Variants in FRMD5 observed in about 807,000 individuals in gnomAD.
FRMD5 encodes the protein FERM domain containing 5.
In FRMD5, 20 loss-of-function variants were observed where a neutral mutation model predicts 69.0. That is an observed-to-expected ratio of 0.29 (90% CI 0.20 to 0.42). The LOEUF is 0.42. Among genes scored for constraint, FRMD5 ranks in the 10% least tolerant of loss-of-function variants. The probability of loss-of-function intolerance (pLI) is 1.00; values close to 1 mark genes in which losing one functional copy is unlikely to be tolerated. For missense variants in FRMD5, 595 were observed against 708.6 expected, an observed-to-expected ratio of 0.84 and a Z score of 1.82; for synonymous variants, 271 against 260.1, an observed-to-expected ratio of 1.04 and a Z score of -0.40.
chr15:43,959,572 C>T, intron 1 of FRMD5, among the ~76,000 whole-genome samples: 1 of 152,200 alleles, frequency 6.6e-6, no homozygotes, highest in Non-Finnish European at 1.5e-5. Context: ...GACACAAGAA[C>T]TCTGACTCTA....
At chr15:44,191,906 T>TAC (rs1337819749) in intron 1 of FRMD5, among the ~76,000 whole-genome samples, 25 of 1,166 alleles carry the variant, frequency 0.021, no homozygotes, top group Non-Finnish European at 0.035. Context: ...TATATATATA[T>TAC]ATATATATAT....
At chr15:44,150,781 C>A (rs2077432052) in intron 1 of FRMD5, among the ~76,000 whole-genome samples, 1 of 151,848 alleles carries the variant, frequency 6.6e-6, no homozygotes, top group South Asian at 2.1e-4. Flanking sequence ...ACAGAGCAGA[C>A]CCTGTCTCAG....
At chr15:43,906,061 A>G (rs1337578640) in intron 5 of FRMD5, 110 bp from the exon 6 acceptor site, 7 of 1,345,104 alleles carry the variant, frequency 5.2e-6, no homozygotes, top group African/African-American at 1.5e-5. Context: ...CATCAGATTT[A>G]TAAGAAACAG....
intron 1 of FRMD5, among the ~76,000 whole-genome samples, chr15:43,962,071 A>G (rs2090211605): frequency 6.6e-6 from 1 of 152,176 alleles, no homozygotes; most frequent in Non-Finnish European, 1.5e-5. Flanking sequence ...CAGGCAGGAG[A>G]AGGAAATAAA....
At chr15:43,929,352 G>A (rs909020563) in intron 1 of FRMD5, among the ~76,000 whole-genome samples, 4 of 152,134 alleles carry the variant, frequency 2.6e-5, no homozygotes, top group African/African-American at 9.7e-5. Flanking sequence ...TTAATCCCAG[G>A]CTCTCTGGCA....
intron 1 of FRMD5, among the ~76,000 whole-genome samples, chr15:44,110,224 C>T (rs2076778349): frequency 6.6e-6 from 1 of 152,112 alleles, no homozygotes; most frequent in South Asian, 2.1e-4. Flanking sequence ...TGCTATGTTG[C>T]CCAGGCTGGA....
chr15:44,109,116 T>C (rs902890441), intron 1 of FRMD5, among the ~76,000 whole-genome samples: 10 of 152,196 alleles, frequency 6.6e-5, no homozygotes, highest in African/African-American at 2.4e-4. Context: ...TGTGATATTA[T>C]TGCTGTCTTC....
At chr15:44,189,350 G>T (rs186910435) in intron 1 of FRMD5, among the ~76,000 whole-genome samples, 30 of 152,268 alleles carry the variant, frequency 2.0e-4, no homozygotes, top group South Asian at 6.2e-4. Flanking sequence ...GGAGGCAAAA[G>T]GTCCATAATT....
chr15:43,884,636 G>T, intron 12 of FRMD5, 91 bp downstream of exon 12: 1 of 1,168,716 alleles, frequency 8.6e-7, no homozygotes, highest in Non-Finnish European at 1.2e-6. Flanking sequence ...GGTAGCCACT[G>T]GAGCCAGGGG....
intron 1 of FRMD5, among the ~76,000 whole-genome samples, chr15:44,176,937 TA>T (rs970228633): frequency 2.8e-5 from 2 of 71,068 alleles, no homozygotes; most frequent in Non-Finnish European, 5.9e-5. Context: ...AGTATAATAA[TA>T]AAAAAAAGAA....
chr15:44,101,857 C>A lies in FRMD5; in HGVS notation c.102+93096G>T, dbSNP rs185584942. Among the ~76,000 whole-genome samples, 56 of 152,296 alleles carry A rather than the reference C, an allele frequency of 3.7e-4. 1 individual carries two copies. In the East Asian group the frequency reaches 0.011, roughly 29 times the overall value. On this transcript the variant is annotated intron_variant, in intron 1 of 13. Coordinates refer to ENST00000417257, the MANE Select transcript of FRMD5 (RefSeq NM_032892.5). The stretch of plus-strand genomic sequence containing the variant: ...TGGGTGCTTTTCAAAAACACAGATT[C>A]CTGGGCCCAACTTTAAGACAGTTTA...
At chr15:44,194,932 G>T (rs373573756) in intron 1 of FRMD5, 21 bp downstream of exon 1, 22 of 1,508,852 alleles carry the variant, frequency 1.5e-5, no homozygotes, top group Non-Finnish European at 1.7e-5. Context: ...CGCGGGCGGG[G>T]CGGGGCGGCG....
chr15:43,992,896 A>C (rs771253607), intron 1 of FRMD5, among the ~76,000 whole-genome samples: 27 of 152,024 alleles, frequency 1.8e-4, no homozygotes, highest in Non-Finnish European at 3.8e-4. Flanking sequence ...GTAGATGTTT[A>C]TTGCTACAAA....
intron 1 of FRMD5, among the ~76,000 whole-genome samples, chr15:44,131,754 C>CA (rs2077101139): frequency 7.3e-5 from 1 of 13,674 alleles, no homozygotes; most frequent in South Asian, 6.3e-3. Flanking sequence ...ATCATAGAGA[C>CA]AGACAGTAGA....
intron 1 of FRMD5, chr15:43,989,232 G>C: frequency 1.2e-6 from 1 of 802,454 alleles, no homozygotes; most frequent in Non-Finnish European, 2.3e-6. Flanking sequence ...TGGGCGCCAG[G>C]GTGGTGATCT....
chr15:43,886,702 G>A (rs2088671931), intron 10 of FRMD5, among the ~76,000 whole-genome samples: 1 of 152,174 alleles, frequency 6.6e-6, no homozygotes. Context: ...CCCGTCTCAG[G>A]GCTCCAGGAC....
At chr15:44,187,774 G>T (rs2078126770) in intron 1 of FRMD5, among the ~76,000 whole-genome samples, 1 of 151,928 alleles carries the variant, frequency 6.6e-6, no homozygotes, top group Non-Finnish European at 1.5e-5. Flanking sequence ...TTGCTATGTT[G>T]CCCAGGATAG....
chr15:44,152,792 C>T (rs1199837803), intron 1 of FRMD5, among the ~76,000 whole-genome samples: 1 of 152,006 alleles, frequency 6.6e-6, no homozygotes, highest in Non-Finnish European at 1.5e-5. Context: ...TTAAAATTGG[C>T]TGTTTATCTT....
In FRMD5 at chr15:43,874,302, G is replaced by A. The variant is rs759065696; in HGVS notation, c.1296C>T (p.Pro432=). The A allele has an allele frequency of 6.2e-7, 1 of 1,614,080 alleles. No individual in the cohort carries two copies. The highest frequency in any genetic ancestry group is 1.1e-5 in the South Asian group (1 of 91,088). The change falls in exon 14 of 14, where the codon CCC becomes CCT. Residue 432 remains proline, a synonymous_variant. Transcript: ENST00000417257. ...CCAGGCTGTGCTCAGCCACAGGGGT[G>A]GGCAGCACGCTGTCTGCAGGGCTGT... ...EAYSPADSVL[P]TPVAEHSLEL... is the part of the protein sequence containing the mutation.
Sources: gnomAD v4.1 joint callset for allele counts (sites outside exome capture counted in the v4.1 genomes callset) on GRCh38, gnomAD v4.1.1 for gene constraint, MANE v1.5 for transcripts, NCBI Gene and HGNC (gene_info 2026-07-23, HGNC 2026-07-21) for gene names.